NIPA1: variants seen among roughly 807,000 people sequenced by gnomAD.
NIPA1 encodes NIPA magnesium transporter 1, also known as magnesium transporter NIPA1.
Under a neutral mutation model 23.9 loss-of-function variants are expected in NIPA1, and 13 were observed. The ratio of observed to expected loss-of-function variants is 0.54; its 90% CI spans 0.35 to 0.87. The LOEUF is 0.87. NIPA1 is among the 40% of genes least tolerant of loss of function. NIPA1 has a pLI of 0.01. For synonymous variants in NIPA1, 234 were observed against 202.9 expected (o/e 1.15, Z -1.30); for missense variants, 362 against 429.7 (o/e 0.84, Z 1.39).
At chr15:22,804,112 G>A (rs1319519769) in intron 1 of NIPA1, among the ~76,000 whole-genome samples, 1 of 151,936 alleles carries the variant, frequency 6.6e-6, no homozygotes, top group Non-Finnish European at 1.5e-5. Flanking sequence ...GAGTAGCTGG[G>A]ATTACAGGCA....
At position 22,800,095 on chromosome 15, in the gene NIPA1, A is replaced by G. The variant is rs529680935; in HGVS notation, c.179-10654A>G. Among the ~76,000 whole-genome samples, 54 of 152,128 alleles carry G rather than the reference A, an allele frequency of 3.5e-4. No individual in the cohort carries two copies. In the South Asian group the frequency reaches 0.011, roughly 31 times the overall value. On this transcript the variant is annotated intron_variant, in intron 1 of 4. Coordinates refer to ENST00000337435, the MANE Select transcript of NIPA1 (RefSeq NM_144599.5). ...GCACTATTTGGGTGATGAGTTCACT[A>G]GAAGCCCAAACCCCAGCATTGCACA... is the stretch of plus-strand genomic sequence containing the variant.
At position 22,827,188 on chromosome 15, in the gene NIPA1, C is replaced by G. The variant is rs569446066; in HGVS notation, c.*2949C>G. The stretch of plus-strand genomic sequence containing the variant: ...TTTTGATCACAATATGCAGATTTCT[C>G]TTGATAGATACTTAAATAGGCTATT... On this transcript the variant is annotated 3_prime_UTR_variant, in exon 5 of 5. Coordinates refer to ENST00000337435, the MANE Select transcript of NIPA1 (RefSeq NM_144599.5). The G allele has an allele frequency of 5.9e-5, 9 of 152,296 alleles. No homozygotes were observed. The highest frequency in any genetic ancestry group is 2.2e-4 in the African/African-American group (9 of 41,560). 9.4% of individuals were successfully genotyped at this position (152,296 alleles called of 1,614,324 possible).
intron 3 of NIPA1, among the ~76,000 whole-genome samples, chr15:22,817,337 T>C (rs575420481): frequency 5.5e-4 from 76 of 138,066 alleles, no homozygotes; most frequent in African/African-American, 2.0e-3. Flanking sequence ...CCGTCTCTCA[T>C]AAAAATACAA....
At chr15:22,791,852 T>C (rs949987227) in intron 1 of NIPA1, among the ~76,000 whole-genome samples, 2 of 152,102 alleles carry the variant, frequency 1.3e-5, no homozygotes, top group Admixed American at 1.3e-4. Context: ...GTCTACAGCA[T>C]AGGCTCGGAT....
chr15:22,822,929 T>G (rs1348598795), intron 4 of NIPA1, among the ~76,000 whole-genome samples: 2 of 137,284 alleles, frequency 1.5e-5, no homozygotes, highest in Non-Finnish European at 3.1e-5. Context: ...TTTTTTTTTT[T>G]TTTTTTTGAG....
In NIPA1 at chr15:22,824,330, A is replaced by G. The variant is rs1462327972; in HGVS notation, c.*91A>G. 7 of 1,125,218 alleles carry G rather than the reference A, an allele frequency of 6.2e-6. No individual in the cohort carries two copies. Among genetic ancestry groups the G allele is most frequent in the Non-Finnish European group, 5.4e-6 (4 of 739,994 alleles). The allele number at this position is 1,125,218 out of a possible 1,614,324, so 69.7% of individuals were successfully genotyped here. On this transcript the variant is annotated 3_prime_UTR_variant, in exon 5 of 5. Coordinates refer to ENST00000337435, the MANE Select transcript of NIPA1 (RefSeq NM_144599.5). This position sits in a 1 kb window ranked among gnomAD's most constrained non-coding sequence, Gnocchi z 4.1. ...TGTGAAGTAGAAGAGGTCCTCGATC[A>G]TGGTGTTAGAATTGACTGGATAGTA...
In NIPA1 at chr15:22,787,794, C is replaced by T. The variant is rs141546211; in HGVS notation, c.178+960C>T. Among the ~76,000 whole-genome samples, 100 of 152,238 alleles carry T rather than the reference C, an allele frequency of 6.6e-4. No homozygotes were observed. The East Asian group carries it at 0.018, about 28-fold the overall frequency. Reference sequence around the variant, plus strand: ...CTTGGGTTGTGAGAGAAAGTGAACTCGTAATTTACATGGCGGAATGCAGGT... The same window carrying T: ...CTTGGGTTGTGAGAGAAAGTGAACTTGTAATTTACATGGCGGAATGCAGGT... On this transcript the variant is annotated intron_variant, in intron 1 of 4. Transcript: ENST00000337435.
At position 22,829,228 on chromosome 15, in the gene NIPA1, A is replaced by G. The variant is rs1021640637; in HGVS notation, c.*4989A>G. 5 of 152,164 alleles carry G rather than the reference A, an allele frequency of 3.3e-5. No individual in the cohort carries two copies. The highest frequency in any genetic ancestry group is 2.6e-4 in the Admixed American group (4 of 15,270). 9.4% of individuals were successfully genotyped at this position (152,164 alleles called of 1,614,324 possible). A position where few individuals can be genotyped will look rare whatever the true frequency, so the allele number is the denominator to read the frequency against. ...GAGGTCTGTATTCTGAAAAAGATTT[A>G]ATGGCCTGTGAAACACGTGGATTCT... On this transcript the variant is annotated 3_prime_UTR_variant, in exon 5 of 5. Coordinates refer to ENST00000337435, the MANE Select transcript of NIPA1 (RefSeq NM_144599.5).
intron 3 of NIPA1, chr15:22,814,227 G>C: frequency 1.6e-6 from 1 of 613,174 alleles, no homozygotes; most frequent in Non-Finnish European, 2.5e-6. Context: ...GATTATCAAA[G>C]TGTGCATATA....
chr15:22,811,014 A>G (rs541769258), intron 2 of NIPA1: 1 of 577,546 alleles, frequency 1.7e-6, no homozygotes, highest in African/African-American at 1.9e-5. Flanking sequence ...AGAGTGCAGA[A>G]GGACAAGTTA....
At position 22,826,278 on chromosome 15, in the gene NIPA1, TAA is replaced by T. The variant is rs1345339451; in HGVS notation, c.*2043_*2044del. 2 of 89,412 alleles carry T rather than the reference TAA, an allele frequency of 2.2e-5. No individual in the cohort carries two copies. Among genetic ancestry groups the T allele is most frequent in the Non-Finnish European group, 5.1e-5 (2 of 39,150 alleles). 5.5% of individuals were successfully genotyped at this position (89,412 alleles called of 1,614,324 possible). ...TGAGAGCAGCAACAACATTATTTTT[TAA>T]AAATCTTAAATCCTCTCAATGGATG... On this transcript the variant is annotated 3_prime_UTR_variant, in exon 5 of 5. Transcript: ENST00000337435.
At position 22,820,447 on chromosome 15, in the gene NIPA1, A is replaced by C; in HGVS notation, c.452A>C (p.Glu151Ala). The C allele has an allele frequency of 6.2e-7, 1 of 1,613,710 alleles. No individual in the cohort carries two copies. Among genetic ancestry groups the C allele is most frequent in the South Asian group, 1.1e-5 (1 of 91,078 alleles). ...TCTGAGAGTGTGACAACTCAGGCTGAGCTGGAGGAAAAGCTGACCAATCCA... is the reference window on the plus strand; with the variant it reads ...TCTGAGAGTGTGACAACTCAGGCTGCGCTGGAGGAAAAGCTGACCAATCCA... ...PKSESVTTQA[E>A]LEEKLTNPVF... The change falls in exon 4 of 5, where the codon GAG (glutamate) becomes GCG (alanine). Residue 151 changes from glutamate to alanine, a missense_variant. Glu to Ala is a moderately radical substitution (Grantham distance 107). Coordinates refer to ENST00000337435, the MANE Select transcript of NIPA1 (RefSeq NM_144599.5).
At chr15:22,812,332 G>C in intron 3 of NIPA1, 79 bp downstream of exon 3, 1 of 1,060,754 alleles carries the variant, frequency 9.4e-7, no homozygotes, top group Non-Finnish European at 1.4e-6. Flanking sequence ...TTCTGTTAAA[G>C]TAATAAGAGC....
chr15:22,822,009 C>G (rs1455670583), intron 4 of NIPA1, among the ~76,000 whole-genome samples: 13 of 152,174 alleles, frequency 8.5e-5, no homozygotes, highest in African/African-American at 3.1e-4. Flanking sequence ...AGCTGGCCGA[C>G]CCCACACCTT....
At chr15:22,812,285 G>A in intron 3 of NIPA1, 32 bp downstream of exon 3, 4 of 1,425,306 alleles carry the variant, frequency 2.8e-6, no homozygotes, top group Non-Finnish European at 4.0e-6. Flanking sequence ...GGTATTTAAT[G>A]TGTAGTGTAG....
In NIPA1 at chr15:22,829,400, T is replaced by C. The variant is rs1390780860; in HGVS notation, c.*5161T>C. ...TTGAAAAGTTCAGAATATTTATTTG[T>C]CAGAATATAATAATTGCCCCCCACC... is the stretch of plus-strand genomic sequence containing the variant. On this transcript the variant is annotated 3_prime_UTR_variant, in exon 5 of 5. Transcript: ENST00000337435. 6.6e-6 allele frequency: 1 copy of C among 152,546 alleles called. No individual in the cohort carries two copies. Among genetic ancestry groups the C allele is most frequent in the East Asian group, 1.9e-4 (1 of 5,200 alleles). 9.4% of individuals were successfully genotyped at this position (152,546 alleles called of 1,614,324 possible).
chr15:22,820,983 T>TTC (rs1555373798), intron 4 of NIPA1, among the ~76,000 whole-genome samples: 1 of 150,082 alleles, frequency 6.7e-6, no homozygotes, highest in East Asian at 1.9e-4. Flanking sequence ...TTCTTTTCTT[T>TTC]TTTTTTTTTT....
chr15:22,809,766 G>C (rs865876167), intron 1 of NIPA1, among the ~76,000 whole-genome samples: 1 of 150,362 alleles, frequency 6.7e-6, no homozygotes, highest in Non-Finnish European at 1.5e-5. Context: ...AAGGCCAGGC[G>C]CGGTGGCTCA....
At chr15:22,795,305 G>A (rs749151937) in intron 1 of NIPA1, among the ~76,000 whole-genome samples, 5 of 152,028 alleles carry the variant, frequency 3.3e-5, no homozygotes, top group Admixed American at 6.6e-5. Flanking sequence ...GGGCTGCTGC[G>A]TACCGAAGCC....
Sources: allele counts gnomAD v4.1 joint callset (sites outside exome capture counted in the v4.1 genomes callset), GRCh38; gene constraint gnomAD v4.1.1; non-coding constraint Gnocchi (gnomAD v3.1); transcripts MANE v1.5; gene names NCBI Gene and HGNC (gene_info 2026-07-23, HGNC 2026-07-21).